PRKN: variants seen among roughly 807,000 people sequenced by gnomAD.
The protein encoded by PRKN is parkin RBR E3 ubiquitin protein ligase, also known as E3 ubiquitin-protein ligase parkin.
In PRKN, 56 loss-of-function variants were observed where a neutral mutation model predicts 59.5. The observed-to-expected ratio is 0.94, with a 90% CI of 0.76 to 1.18. The LOEUF (loss-of-function observed/expected upper bound fraction) is 1.18. Among genes scored for constraint, PRKN ranks in the 50% most tolerant of loss-of-function variants. The pLI is 0.00. For synonymous variants in PRKN, 250 were observed against 222.1 expected (o/e 1.13, Z -1.12); for missense variants, 657 against 596.4 (o/e 1.10, Z -1.06).
chr6:161,558,749 T>A (rs958945385), intron 8 of PRKN, among the ~76,000 whole-genome samples: 1 of 152,118 alleles, frequency 6.6e-6, no homozygotes, highest in Non-Finnish European at 1.5e-5. Context: ...TCTATACGCA[T>A]TAGAAATTTT....
intron 7 of PRKN, among the ~76,000 whole-genome samples, chr6:161,726,321 T>C (rs1412801832): frequency 4.6e-5 from 7 of 152,248 alleles, no homozygotes; most frequent in South Asian, 2.1e-4. Flanking sequence ...ATGGCATTTA[T>C]TCTATGTAAA....
chr6:162,200,177 G>A (rs1319962106), intron 4 of PRKN, among the ~76,000 whole-genome samples: 1 of 152,120 alleles, frequency 6.6e-6, no homozygotes, highest in African/African-American at 2.4e-5. Flanking sequence ...CCAGCACTGT[G>A]TCCTTGACAC....
rs76350372 is a variant in PRKN, at chr6:161,889,150, C to T, written c.734+84152G>A. Among the ~76,000 whole-genome samples, 84 of 151,932 alleles carry T rather than the reference C, an allele frequency of 5.5e-4. 1 individual carries two copies. The highest frequency in any genetic ancestry group is 4.4e-3 in the South Asian group (21 of 4,812). ...AAAGATATATTCCAAGGTAAAAAGA[C>T]GAAGAACCCAACAAAGTAACCACGA... On this transcript the variant is annotated intron_variant, in intron 6 of 11. Coordinates refer to ENST00000366898, the MANE Select transcript of PRKN (RefSeq NM_004562.3).
At chr6:161,628,097 A>G (rs1310529875) in intron 7 of PRKN, among the ~76,000 whole-genome samples, 3 of 152,220 alleles carry the variant, frequency 2.0e-5, no homozygotes, top group Non-Finnish European at 4.4e-5. Flanking sequence ...ACTTCTAAAT[A>G]TTGATTTATT....
intron 6 of PRKN, among the ~76,000 whole-genome samples, chr6:161,911,801 C>A (rs1281395357): frequency 6.6e-6 from 1 of 152,134 alleles, no homozygotes; most frequent in African/African-American, 2.4e-5. Context: ...TAATTTAGAT[C>A]TCCATTGTAT....
chr6:161,541,546 T>A (rs917789661), intron 9 of PRKN, among the ~76,000 whole-genome samples: 2 of 152,158 alleles, frequency 1.3e-5, no homozygotes, highest in African/African-American at 4.8e-5. Context: ...ATTGGTCAGG[T>A]GCGGTGGCTC....
chr6:161,837,717 A>G (rs375707618), intron 6 of PRKN, among the ~76,000 whole-genome samples: 182 of 152,322 alleles, frequency 1.2e-3, no homozygotes, highest in African/African-American at 4.3e-3. Context: ...TAGACTTAAC[A>G]AAATGCTTGG....
chr6:161,632,806 G>GA (rs1783365158), intron 7 of PRKN, among the ~76,000 whole-genome samples: 1 of 152,114 alleles, frequency 6.6e-6, no homozygotes, highest in Admixed American at 6.5e-5. Context: ...AAAGGTGGGG[G>GA]ATACCCCTTA....
intron 9 of PRKN, among the ~76,000 whole-genome samples, chr6:161,424,558 G>C (rs1048933261): frequency 6.6e-6 from 1 of 152,128 alleles, no homozygotes; most frequent in African/African-American, 2.4e-5. Context: ...TGACCACTGA[G>C]TTGGGTTTCA....
chr6:162,379,786 TA>T (rs1283212860), intron 2 of PRKN, among the ~76,000 whole-genome samples: 1 of 152,160 alleles, frequency 6.6e-6, no homozygotes, highest in African/African-American at 2.4e-5. Flanking sequence ...TAAGGCACTT[TA>T]AAAAAATGCT....
intron 1 of PRKN, among the ~76,000 whole-genome samples, chr6:162,721,586 A>C (rs2803085): frequency 0.82 from 124,876 of 152,116 alleles, 51,516 homozygotes; most frequent in East Asian, 0.98. Context: ...TCCTGCAGGA[A>C]AACTGGAATG....
chr6:161,706,330 C>A (rs137857748), intron 7 of PRKN, among the ~76,000 whole-genome samples: 3 of 152,206 alleles, frequency 2.0e-5, no homozygotes, highest in Admixed American at 6.5e-5. Flanking sequence ...TCAGGAGTCA[C>A]CTTTCTGAAG....
intron 9 of PRKN, among the ~76,000 whole-genome samples, chr6:161,422,199 T>TTA (rs1247162327): frequency 7.2e-6 from 1 of 139,244 alleles, no homozygotes; most frequent in African/African-American, 2.9e-5. Context: ...AATAAAATCT[T>TTA]TTTTTTTTTT....
At position 162,107,388 on chromosome 6, in the gene PRKN, G is replaced by A. The variant is rs570829479; in HGVS notation, c.535-53214C>T. ...GCTGAGGCAGGAGTATCGCATGAACGCAGGAGGTGGAGGTTGCAGTGAGCC... is the reference window on the plus strand; with the variant it reads ...GCTGAGGCAGGAGTATCGCATGAACACAGGAGGTGGAGGTTGCAGTGAGCC... On this transcript the variant is annotated intron_variant, in intron 4 of 11. Transcript: ENST00000366898. Among the ~76,000 whole-genome samples, 109 of 152,264 alleles carry A rather than the reference G, an allele frequency of 7.2e-4. 1 individual carries two copies. The highest frequency in any genetic ancestry group is 2.4e-3 in the African/African-American group (101 of 41,564).
In PRKN at chr6:161,459,869, T is replaced by G. The variant is rs891922146; in HGVS notation, c.1084-72992A>C. 6.6e-6 allele frequency among the ~76,000 whole-genome samples: 1 copy of G among 152,208 alleles called. No individual in the cohort carries two copies. Among genetic ancestry groups the G allele is most frequent in the Non-Finnish European group, 1.5e-5 (1 of 68,026 alleles). ...GGCCCAGAAATGGGTCAGCAGAAAC[T>G]ATTATATTGAAAGTTGGTTTCTTGG... On this transcript the variant is annotated intron_variant, in intron 9 of 11. Coordinates refer to ENST00000366898, the MANE Select transcript of PRKN (RefSeq NM_004562.3). This position sits in a 1 kb window ranked among gnomAD's most constrained non-coding sequence, Gnocchi z 4.8.
At chr6:161,501,502 T>C (rs539038844) in intron 9 of PRKN, among the ~76,000 whole-genome samples, 3 of 152,332 alleles carry the variant, frequency 2.0e-5, no homozygotes, top group East Asian at 3.9e-4. Flanking sequence ...AAAAGTTCTT[T>C]GTATATTTTG....
rs556494777 is a variant in PRKN, at chr6:161,720,178, C to A, written c.871+65594G>T. Among the ~76,000 whole-genome samples, 5 of 152,274 alleles carry A rather than the reference C, an allele frequency of 3.3e-5. No homozygotes were observed. The South Asian group carries it at 1.0e-3, about 32-fold the overall frequency. On this transcript the variant is annotated intron_variant, in intron 7 of 11. Coordinates refer to ENST00000366898, the MANE Select transcript of PRKN (RefSeq NM_004562.3). Reference sequence around the variant, plus strand: ...AGTGCTGCCACCTGATAATTATTAACCATACTAACAATAATAAAAAACATT... The same window carrying A: ...AGTGCTGCCACCTGATAATTATTAAACATACTAACAATAATAAAAAACATT...
intron 1 of PRKN, among the ~76,000 whole-genome samples, chr6:162,608,223 C>G (rs182080666): frequency 1.2e-4 from 18 of 152,092 alleles, no homozygotes; most frequent in African/African-American, 4.3e-4. Flanking sequence ...ACTGACGTAT[C>G]GGGAGAAAAT....
chr6:162,533,421 G>C (rs932221242), intron 1 of PRKN, among the ~76,000 whole-genome samples: 7 of 152,102 alleles, frequency 4.6e-5, no homozygotes, highest in African/African-American at 1.7e-4. Flanking sequence ...CCAGCTACTT[G>C]GGGAGCTGAG....
Sources: allele counts gnomAD v4.1 joint callset (sites outside exome capture counted in the v4.1 genomes callset), GRCh38; gene constraint gnomAD v4.1.1; non-coding constraint Gnocchi (gnomAD v3.1); transcripts MANE v1.5; gene names NCBI Gene and HGNC (gene_info 2026-07-23, HGNC 2026-07-21).